The following MEI4 variants were observed in gnomAD, a reference collection of about 807,000 sequenced individuals.
MEI4 encodes meiosis-specific protein MEI4.
A neutral mutation model predicts 31.4 loss-of-function variants in MEI4; 27 were observed. The ratio of observed to expected loss-of-function variants is 0.86; its 90% CI spans 0.63 to 1.19. The LOEUF (loss-of-function observed/expected upper bound fraction) is 1.19, where lower values mean the gene tolerates loss of function less well. MEI4 is among the 50% of genes most tolerant of loss of function. The pLI is 0.00. For missense variants in MEI4, 329 were observed against 398.9 expected, an observed-to-expected ratio of 0.82 and a Z score of 1.49; for synonymous variants, 122 against 145.4, an observed-to-expected ratio of 0.84 and a Z score of 1.16.
chr6:77,896,703 A>T (rs1423750112), intron 4 of MEI4, among the ~76,000 whole-genome samples: 1 of 151,998 alleles, frequency 6.6e-6, no homozygotes, highest in African/African-American at 2.4e-5. Context: ...ATTCCTTAGT[A>T]CCATCCTTCT....
At chr6:77,699,483 C>A (rs7449574) in intron 2 of MEI4, among the ~76,000 whole-genome samples, 2 of 152,048 alleles carry the variant, frequency 1.3e-5, no homozygotes. Flanking sequence ...TGAGCCACCG[C>A]GCCCGGCCCA....
intron 3 of MEI4, among the ~76,000 whole-genome samples, chr6:77,817,263 C>T (rs1337272338): frequency 6.6e-6 from 1 of 152,042 alleles, no homozygotes; most frequent in African/African-American, 2.4e-5. Context: ...CTTCACAGTA[C>T]GTGCATACTT....
rs532853412 is a variant in MEI4, at chr6:77,709,049, G to T, written c.232+18146G>T. Among the ~76,000 whole-genome samples the T allele has an allele frequency of 1.4e-3, 209 of 152,176 alleles. 1 individual carries two copies. Among genetic ancestry groups the T allele is most frequent in the African/African-American group, 4.4e-3 (183 of 41,524 alleles). On this transcript the variant is annotated intron_variant, in intron 2 of 4. Coordinates refer to ENST00000684080, the MANE Select transcript of MEI4 (RefSeq NM_001322247.2). ...TGAGGAAAGATATCATACCTTTTCT[G>T]CCTCTATGGCATTATTAATTATCTT... is the stretch of plus-strand genomic sequence containing the variant.
intron 1 of MEI4, among the ~76,000 whole-genome samples, chr6:77,687,665 C>G (rs188603048): frequency 2.0e-5 from 3 of 152,198 alleles, no homozygotes; most frequent in Admixed American, 1.3e-4. Context: ...TAGAATAACT[C>G]ACAGAACTCA....
chr6:77,835,953 A>G (rs1367485790), intron 4 of MEI4, among the ~76,000 whole-genome samples: 1 of 152,152 alleles, frequency 6.6e-6, no homozygotes, highest in Admixed American at 6.5e-5. Flanking sequence ...ACAAATTGTA[A>G]ATGAAAAATA....
chr6:77,702,017 G>A (rs529156270), intron 2 of MEI4, among the ~76,000 whole-genome samples: 1 of 152,136 alleles, frequency 6.6e-6, no homozygotes, highest in African/African-American at 2.4e-5. Context: ...AATTCTCACT[G>A]TTCCATTGCC....
chr6:77,678,630 C>G (rs997387148), intron 1 of MEI4, among the ~76,000 whole-genome samples: 1 of 151,576 alleles, frequency 6.6e-6, no homozygotes, highest in Non-Finnish European at 1.5e-5. Context: ...ATGCATGATA[C>G]ATAAATACTT....
chr6:77,714,437 A>G (rs895069259), intron 2 of MEI4, among the ~76,000 whole-genome samples: 1 of 152,170 alleles, frequency 6.6e-6, no homozygotes, highest in Admixed American at 6.5e-5. Flanking sequence ...TCTTTCTTTA[A>G]CAGTTTATGG....
intron 3 of MEI4, among the ~76,000 whole-genome samples, chr6:77,789,992 C>G (rs574438227): frequency 1.3e-5 from 2 of 151,990 alleles, no homozygotes; most frequent in African/African-American, 4.8e-5. Flanking sequence ...ATAGCAAAGT[C>G]TTGGAACCAA....
intron 2 of MEI4, among the ~76,000 whole-genome samples, chr6:77,751,539 A>G (rs1260530400): frequency 6.6e-6 from 1 of 152,190 alleles, no homozygotes; most frequent in Admixed American, 6.5e-5. Flanking sequence ...GTTCCTGAAC[A>G]CATACACCCT....
At chr6:77,709,610 T>A (rs777762545) in intron 2 of MEI4, among the ~76,000 whole-genome samples, 8 of 152,212 alleles carry the variant, frequency 5.3e-5, no homozygotes, top group Non-Finnish European at 1.2e-4. Flanking sequence ...CTTTTCTAAC[T>A]TATTAATAAA....
intron 2 of MEI4, among the ~76,000 whole-genome samples, chr6:77,696,332 T>C (rs997810219): frequency 2.6e-5 from 4 of 152,194 alleles, no homozygotes; most frequent in Non-Finnish European, 5.9e-5. Context: ...AGGGCATCCC[T>C]GTCTTGTGCC....
chr6:77,907,672 C>G (rs948412343), intron 4 of MEI4, among the ~76,000 whole-genome samples: 4 of 152,094 alleles, frequency 2.6e-5, no homozygotes, highest in Non-Finnish European at 5.9e-5. Context: ...ATGGCTGGGT[C>G]AAATGGTATT....
intron 1 of MEI4, among the ~76,000 whole-genome samples, chr6:77,667,949 A>G (rs1157130488): frequency 9.4e-5 from 14 of 149,216 alleles, no homozygotes; most frequent in African/African-American, 3.2e-4. Context: ...ATGACTATAG[A>G]TCTAGCTTAA....
At chr6:77,837,904 A>G (rs890632965) in intron 4 of MEI4, among the ~76,000 whole-genome samples, 5 of 152,160 alleles carry the variant, frequency 3.3e-5, no homozygotes, top group Admixed American at 1.3e-4. Context: ...TTAAATGAAA[A>G]TTAAAATAAT....
At chr6:77,743,559 A>T (rs1010572952) in intron 2 of MEI4, among the ~76,000 whole-genome samples, 1 of 152,182 alleles carries the variant, frequency 6.6e-6, no homozygotes, top group Non-Finnish European at 1.5e-5. Flanking sequence ...CAGTCATGTC[A>T]TCTGCAAACA....
At chr6:77,701,080 A>G (rs1766212045) in intron 2 of MEI4, among the ~76,000 whole-genome samples, 1 of 152,204 alleles carries the variant, frequency 6.6e-6, no homozygotes, top group Non-Finnish European at 1.5e-5. Context: ...AAGAGAACAT[A>G]CGAGTGAAAA....
chr6:77,685,894 T>A (rs1769045494), intron 1 of MEI4, among the ~76,000 whole-genome samples: 2 of 152,162 alleles, frequency 1.3e-5, no homozygotes, highest in African/African-American at 4.8e-5. Context: ...ATGGTTTTGA[T>A]ATTTGTCCCC....
intron 3 of MEI4, among the ~76,000 whole-genome samples, chr6:77,801,180 G>A (rs573885586): frequency 1.3e-5 from 2 of 152,122 alleles, no homozygotes; most frequent in African/African-American, 2.4e-5. Context: ...GCCTGTTTTT[G>A]GTCTATTCAG....
Sources: gnomAD v4.1 joint callset for allele counts (sites outside exome capture counted in the v4.1 genomes callset) on GRCh38, gnomAD v4.1.1 for gene constraint, MANE v1.5 for transcripts, NCBI Gene and HGNC (gene_info 2026-07-23, HGNC 2026-07-21) for gene names.